USP25: variants seen among roughly 807,000 people sequenced by gnomAD.
USP25 encodes the protein ubiquitin carboxyl-terminal hydrolase 25.
USP25 carries 85 observed loss-of-function variants against 158.5 expected under a neutral mutation model. The ratio of observed to expected loss-of-function variants is 0.54; its 90% CI spans 0.45 to 0.64. The LOEUF (loss-of-function observed/expected upper bound fraction) is 0.64. USP25 is among the 30% of genes least tolerant of loss of function. The pLI is 0.00. For synonymous variants in USP25, 464 were observed against 460.4 expected, an observed-to-expected ratio of 1.01 and a Z score of -0.10; for missense variants, 1,242 against 1,327.3, an observed-to-expected ratio of 0.94 and a Z score of 1.00.
At chr21:15,874,630 A>G in intron 24 of USP25, 104 bp downstream of exon 24, 1 of 1,184,846 alleles carries the variant, frequency 8.4e-7, no homozygotes, top group Non-Finnish European at 1.2e-6. Context: ...TGAGGGGATA[A>G]GAACATGATG....
rs970476935 is a variant in USP25 at position 15,856,639 on chromosome 21, T to C, written c.2547+6767T>C. Among the ~76,000 whole-genome samples, 153 of 152,128 alleles carry C rather than the reference T, an allele frequency of 1.0e-3. 1 individual carries two copies. Among genetic ancestry groups the C allele is most frequent in the Admixed American group, 1.7e-3 (26 of 15,292 alleles). Reference sequence around the variant, plus strand: ...GGTGCCCGCTACCACGCCCGGCTAATTTTTTGTATTTTTAGTAGAGACAGG... The same window carrying C: ...GGTGCCCGCTACCACGCCCGGCTAACTTTTTGTATTTTTAGTAGAGACAGG... On this transcript the variant is annotated intron_variant, in intron 20 of 25. Transcript: ENST00000400183.
intron 9 of USP25, among the ~76,000 whole-genome samples, chr21:15,813,486 G>A (rs2036777150): frequency 6.6e-6 from 1 of 152,034 alleles, no homozygotes; most frequent in South Asian, 2.1e-4. Context: ...ATTTTTACCT[G>A]CTCCTACATA....
chr21:15,749,243 T>C (rs1186547583), intron 1 of USP25, among the ~76,000 whole-genome samples: 1 of 152,248 alleles, frequency 6.6e-6, no homozygotes. Context: ...GAGAGTGACA[T>C]ACTATGCAGC....
chr21:15,837,810 A>G (rs1464257062), intron 17 of USP25, among the ~76,000 whole-genome samples: 3 of 152,200 alleles, frequency 2.0e-5, no homozygotes, highest in African/African-American at 7.2e-5. Context: ...GAACTTCTCT[A>G]CACTGTCTAC....
At chr21:15,744,969 T>TC (rs2032408669) in intron 1 of USP25, 1 of 152,116 alleles carries the variant, frequency 6.6e-6, no homozygotes, top group Non-Finnish European at 1.5e-5. Context: ...ATTCTCTCGG[T>TC]TTGCTGTCTA....
Position 15,824,952 on chromosome 21 carries a change from C to A in USP25, c.1209-14C>A. 1 of 1,588,740 alleles carries A rather than the reference C, an allele frequency of 6.3e-7. No homozygotes were observed. Among genetic ancestry groups the A allele is most frequent in the Non-Finnish European group, 8.6e-7 (1 of 1,159,564 alleles). ...TGATATTCGGAAATGCTAATGATTACCTTTTTCTGATAGATACATGCACAG... is the reference window on the plus strand; with the variant it reads ...TGATATTCGGAAATGCTAATGATTAACTTTTTCTGATAGATACATGCACAG... On this transcript the variant is annotated splice_polypyrimidine_tract_variant and intron_variant, in intron 11 of 25. Transcript: ENST00000400183.
chr21:15,824,254 T>G lies in USP25; in HGVS notation c.1208+88T>G. 4.0e-6 allele frequency: 6 copies of G among 1,483,860 alleles called. 1 individual carries two copies. In the African/African-American group the frequency reaches 5.7e-5, roughly 14 times the overall value. The allele number at this position is 1,483,860 out of a possible 1,614,324, so 91.9% of individuals were successfully genotyped here. A position where few individuals can be genotyped will look rare whatever the true frequency, so the allele number is the denominator to read the frequency against. ...TAGAGGAAAATTCTGCATAATTTTC[T>G]TAGAATTAATTTCTACTTTTGCATA... is the stretch of plus-strand genomic sequence containing the variant. On this transcript the variant is annotated intron_variant, in intron 11 of 25. Coordinates refer to ENST00000400183, the MANE Select transcript of USP25 (RefSeq NM_001283041.3).
At chr21:15,850,165 G>A (rs1330494202) in intron 20 of USP25, among the ~76,000 whole-genome samples, 1 of 152,034 alleles carries the variant, frequency 6.6e-6, no homozygotes, top group African/African-American at 2.4e-5. Flanking sequence ...TGAAGGGAAT[G>A]AGGACATTAA....
At chr21:15,762,825 G>C in intron 1 of USP25, 66 bp from the exon 2 acceptor site, 1 of 1,437,282 alleles carries the variant, frequency 7.0e-7, no homozygotes, top group African/African-American at 1.4e-5. Context: ...AAGGTGATTT[G>C]TTTTCTTTTC....
At position 15,826,963 on chromosome 21, in the gene USP25, A is replaced by C; in HGVS notation, c.1467-14A>C. On this transcript the variant is annotated splice_polypyrimidine_tract_variant and intron_variant, in intron 13 of 25. Transcript: ENST00000400183. This position sits in a 1 kb window ranked among gnomAD's most constrained non-coding sequence, Gnocchi z 4.8. The stretch of plus-strand genomic sequence containing the variant: ...TTGAAAGGTTAATAAGAAATACTCT[A>C]TGCTTTGATACAGCACAACAGAACA... 2.5e-6 allele frequency: 4 copies of C among 1,611,640 alleles called. No individual in the cohort carries two copies. Among genetic ancestry groups the C allele is most frequent in the Non-Finnish European group, 3.4e-6 (4 of 1,179,606 alleles).
At position 15,825,017 on chromosome 21, in the gene USP25, G is replaced by A. The variant is rs2037430746; in HGVS notation, c.1260G>A (p.Lys420=). The change falls in exon 12 of 26, where the codon AAG becomes AAA. Residue 420 remains lysine (K), a synonymous_variant. Transcript: ENST00000400183. The part of the protein sequence containing the change: ...EITRIKREEI[K]RLKDYLTVLQ... ...CAAGAATTAAGAGGGAAGAGATCAA[G>A]AGACTGAAAGATTACCTCACGGTAT... The A allele has an allele frequency of 6.2e-7, 1 of 1,612,116 alleles. No homozygotes were observed. Among genetic ancestry groups the A allele is most frequent in the African/African-American group, 1.3e-5 (1 of 75,000 alleles).
At chr21:15,785,122 A>T (rs1017185780) in intron 4 of USP25, among the ~76,000 whole-genome samples, 2 of 152,232 alleles carry the variant, frequency 1.3e-5, no homozygotes, top group African/African-American at 4.8e-5. Flanking sequence ...TGTACTAGAT[A>T]CAATAGACTT....
At chr21:15,831,285 TAAA>T in intron 15 of USP25, 113 bp from the exon 16 acceptor site, 1 of 757,946 alleles carries the variant, frequency 1.3e-6, no homozygotes, top group Non-Finnish European at 2.0e-6. Flanking sequence ...CTCTCTCATT[TAAA>T]AAAAAAAATG....
chr21:15,755,152 GT>G (rs879626976), intron 1 of USP25, among the ~76,000 whole-genome samples: 130 of 146,366 alleles, frequency 8.9e-4, no homozygotes, highest in Middle Eastern at 3.6e-3. Context: ...GTTTCTATCA[GT>G]TTTTTTTTTT....
intron 6 of USP25, among the ~76,000 whole-genome samples, chr21:15,803,654 A>G (rs900298820): frequency 6.6e-6 from 1 of 151,850 alleles, no homozygotes; most frequent in African/African-American, 2.4e-5. Context: ...ATTACTTCCA[A>G]TTTTGTTACT....
chr21:15,761,325 C>G (rs896160432), intron 1 of USP25, among the ~76,000 whole-genome samples: 14 of 152,160 alleles, frequency 9.2e-5, no homozygotes, highest in African/African-American at 3.4e-4. Flanking sequence ...GGGCCTCCCC[C>G]CCAGGAATGT....
At chr21:15,773,764 G>A (rs986495907) in intron 3 of USP25, among the ~76,000 whole-genome samples, 3 of 152,070 alleles carry the variant, frequency 2.0e-5, no homozygotes, top group African/African-American at 7.2e-5. Context: ...AAATTAAAAC[G>A]GAGAAAAGCT....
In USP25 at chr21:15,766,673, G is replaced by A. The variant is rs533723910; in HGVS notation, c.268+532G>A. Among the ~76,000 whole-genome samples, 1 of 151,960 alleles carries A rather than the reference G, an allele frequency of 6.6e-6. No homozygotes were observed. Among genetic ancestry groups the A allele is most frequent in the Non-Finnish European group, 1.5e-5 (1 of 67,940 alleles). On this transcript the variant is annotated intron_variant, in intron 3 of 25. Transcript: ENST00000400183. This position sits in a 1 kb window ranked among gnomAD's most constrained non-coding sequence, Gnocchi z 4.0. ...AAAAGTGTTTTGGAGATACAAATAC[G>A]TACATGTGGAAGATTCTATGTGGGA...
At chr21:15,756,753 T>C (rs989072917) in intron 1 of USP25, among the ~76,000 whole-genome samples, 1 of 152,200 alleles carries the variant, frequency 6.6e-6, no homozygotes, top group African/African-American at 2.4e-5. Context: ...GTAGGTAATC[T>C]TGACTTCTTT....
Sources: allele counts gnomAD v4.1 joint callset (sites outside exome capture counted in the v4.1 genomes callset), GRCh38; gene constraint gnomAD v4.1.1; non-coding constraint Gnocchi (gnomAD v3.1); transcripts MANE v1.5; gene names NCBI Gene and HGNC (gene_info 2026-07-23, HGNC 2026-07-21).